Variants in FRMPD4 observed in about 807,000 individuals in gnomAD.
FRMPD4 encodes FERM and PDZ domain containing 4, also known as FERM and PDZ domain-containing protein 4.
Under a neutral mutation model 94.1 loss-of-function variants are expected in FRMPD4, and 22 were observed. The observed-to-expected ratio is 0.23, with a 90% confidence interval of 0.17 to 0.33. The LOEUF (loss-of-function observed/expected upper bound fraction) is 0.33. Ranked by LOEUF, FRMPD4 falls within the 10% of genes least tolerant of loss-of-function variation. The probability of loss-of-function intolerance (pLI) is 1.00; values close to 1 mark genes in which losing one functional copy is unlikely to be tolerated. For synonymous variants in FRMPD4, 631 were observed against 548.6 expected, an observed-to-expected ratio of 1.15 and a Z score of -2.10; for missense variants, 1,111 against 1,339.9, an observed-to-expected ratio of 0.83 and a Z score of 2.67.
chrX:11,963,565 T>C (rs777695281), intron 3 of FRMPD4, among the ~76,000 whole-genome samples: 3 of 112,248 alleles, frequency 2.7e-5, no homozygotes, highest in African/African-American at 6.5e-5. Context: ...AGAAAGACAA[T>C]GATTGCTGGT....
At chrX:12,161,118 C>T (rs771940349) in intron 1 of FRMPD4, among the ~76,000 whole-genome samples, 34 of 110,721 alleles carry the variant, frequency 3.1e-4, no homozygotes, top group African/African-American at 1.1e-3. Flanking sequence ...GTTTCCACTA[C>T]CATGAGTACC....
At chrX:11,995,408 T>A (rs183011532) in intron 3 of FRMPD4, among the ~76,000 whole-genome samples, 1 of 111,076 alleles carries the variant, frequency 9.0e-6, no homozygotes, top group East Asian at 2.8e-4. Context: ...ATTCCAATCG[T>A]TCCCACTCTT....
intron 3 of FRMPD4, among the ~76,000 whole-genome samples, chrX:12,018,506 C>G (rs1347020664): frequency 9.1e-6 from 1 of 110,261 alleles, no homozygotes; most frequent in Admixed American, 9.6e-5. Flanking sequence ...ACCTCCACCC[C>G]CAGGGTTCAA....
At chrX:12,511,144 T>C (rs754966866) in intron 2 of FRMPD4, among the ~76,000 whole-genome samples, 1 of 111,875 alleles carries the variant, frequency 8.9e-6, no homozygotes, top group South Asian at 3.7e-4. Context: ...GATTTTTCCC[T>C]GCACAAAGTC....
intron 3 of FRMPD4, among the ~76,000 whole-genome samples, chrX:12,036,682 T>C (rs1255512990): frequency 8.9e-6 from 1 of 112,114 alleles, no homozygotes; most frequent in East Asian, 2.8e-4. Context: ...GCTCAGGCAA[T>C]TTCTAATCTA....
chrX:12,486,177 C>A (rs777435635), intron 1 of FRMPD4, among the ~76,000 whole-genome samples: 10 of 110,939 alleles, frequency 9.0e-5, no homozygotes, highest in Non-Finnish European at 1.9e-4. Context: ...AAGGGGCTGG[C>A]AGAGATTTGC....
intron 3 of FRMPD4, among the ~76,000 whole-genome samples, chrX:12,067,408 T>C (rs1232975964): frequency 2.7e-5 from 3 of 109,268 alleles, no homozygotes; most frequent in African/African-American, 1.0e-4. Flanking sequence ...TTTGTTTGTT[T>C]GTTTTTGTTT....
intron 3 of FRMPD4, among the ~76,000 whole-genome samples, chrX:11,941,415 A>G (rs1328949121): frequency 9.0e-6 from 1 of 111,505 alleles, no homozygotes; most frequent in Non-Finnish European, 1.9e-5. Flanking sequence ...ATTTGCTTAC[A>G]ATTGCATTCT....
chrX:12,196,721 A>G (rs980141541), intron 1 of FRMPD4, among the ~76,000 whole-genome samples: 28 of 109,231 alleles, frequency 2.6e-4, no homozygotes, highest in Non-Finnish European at 5.7e-5. Context: ...TATGTTTCAA[A>G]TATGTATATA....
In FRMPD4 at chrX:12,174,996, T is replaced by A. The variant is rs1469089458; in HGVS notation, c.41+35984T>A. Among the ~76,000 whole-genome samples the A allele has an allele frequency of 2.7e-5, 3 of 112,519 alleles. No individual in the cohort carries two copies. The East Asian group carries it at 8.4e-4, about 31-fold the overall frequency. ...ATGGCACAGTTACACGACCTTGCCTTGATTTTGATAGTTGCATGTCTTCCC... is the reference window on the plus strand; with the variant it reads ...ATGGCACAGTTACACGACCTTGCCTAGATTTTGATAGTTGCATGTCTTCCC... On this transcript the variant is annotated intron_variant, in intron 1 of 16. Coordinates refer to ENST00000675598, the MANE Select transcript of FRMPD4 (RefSeq NM_001368397.1).
chrX:11,983,667 A>C (rs2147390579), intron 3 of FRMPD4, among the ~76,000 whole-genome samples: 1 of 112,024 alleles, frequency 8.9e-6, no homozygotes, highest in Admixed American at 9.5e-5. Flanking sequence ...TCTGGATTGT[A>C]AGTTCCGTGA....
At chrX:12,712,379 T>C (rs934641167) in intron 14 of FRMPD4, among the ~76,000 whole-genome samples, 7 of 110,551 alleles carry the variant, frequency 6.3e-5, no homozygotes, top group African/African-American at 2.3e-4. Flanking sequence ...GGAGACATCG[T>C]CTCTACAAAA....
At chrX:12,271,019 A>G (rs1184133034) in intron 1 of FRMPD4, among the ~76,000 whole-genome samples, 1 of 112,155 alleles carries the variant, frequency 8.9e-6, no homozygotes, top group Non-Finnish European at 1.9e-5. Context: ...TCCTGCTTCA[A>G]ATAGTAGTAT....
intron 3 of FRMPD4, among the ~76,000 whole-genome samples, chrX:11,976,155 C>G (rs897361483): frequency 9.0e-6 from 1 of 111,538 alleles, no homozygotes; most frequent in East Asian, 2.8e-4. Context: ...CCCGTTAATC[C>G]TGGATTTCCC....
At chrX:12,389,136 A>G (rs1216380308) in intron 1 of FRMPD4, among the ~76,000 whole-genome samples, 1 of 108,978 alleles carries the variant, frequency 9.2e-6, no homozygotes, top group East Asian at 2.9e-4. Flanking sequence ...TCTACTGCAC[A>G]GTGTGGTGGA....
intron 1 of FRMPD4, among the ~76,000 whole-genome samples, chrX:12,187,698 G>T (rs985438891): frequency 2.7e-5 from 3 of 110,858 alleles, no homozygotes; most frequent in Non-Finnish European, 5.7e-5. Flanking sequence ...TAAGAATTTG[G>T]TGAAATTCTC....
chrX:12,546,798 G>A (rs1336789308), intron 2 of FRMPD4, among the ~76,000 whole-genome samples: 1 of 109,414 alleles, frequency 9.1e-6, no homozygotes, highest in East Asian at 2.9e-4. Context: ...CCCAGCAAAC[G>A]CCATAGAGGT....
intron 2 of FRMPD4, among the ~76,000 whole-genome samples, chrX:12,530,222 G>A (rs1156319394): frequency 1.8e-5 from 2 of 111,874 alleles, no homozygotes; most frequent in Non-Finnish European, 3.8e-5. Flanking sequence ...CAAAATGAAA[G>A]ATGTAGGGAT....
At chrX:12,546,759 C>T (rs1348051714) in intron 2 of FRMPD4, among the ~76,000 whole-genome samples, 1 of 110,458 alleles carries the variant, frequency 9.1e-6, no homozygotes, top group Non-Finnish European at 1.9e-5. Flanking sequence ...ATCTTGCTAC[C>T]TCAAAAGCAG....
Sources: allele counts gnomAD v4.1 joint callset (sites outside exome capture counted in the v4.1 genomes callset), GRCh38; gene constraint gnomAD v4.1.1; transcripts MANE v1.5; gene names NCBI Gene and HGNC (gene_info 2026-07-23, HGNC 2026-07-21).